Variants in LRP1B observed in about 807,000 individuals in gnomAD.
The protein encoded by LRP1B is LDL receptor related protein 1B.
In LRP1B, 217 loss-of-function variants were observed where a neutral mutation model predicts 556.6. That is an observed-to-expected ratio of 0.39 (90% CI 0.35 to 0.44). The LOEUF (loss-of-function observed/expected upper bound fraction) is 0.44. Ranked by LOEUF, LRP1B falls within the 20% of genes least tolerant of loss-of-function variation. The probability of loss-of-function intolerance (pLI) is 1.00; values close to 1 mark genes in which losing one functional copy is unlikely to be tolerated. For synonymous variants in LRP1B, 2,047 were observed against 1,865.8 expected, an observed-to-expected ratio of 1.10 and a Z score of -2.50; for missense variants, 5,053 against 5,620.8, an observed-to-expected ratio of 0.90 and a Z score of 3.23.
intron 32 of LRP1B, among the ~76,000 whole-genome samples, chr2:140,804,900 C>A (rs910741815): frequency 1.3e-5 from 2 of 151,822 alleles, no homozygotes; most frequent in African/African-American, 4.8e-5. Flanking sequence ...GGTAAACTAC[C>A]CATGTGCCTT....
chr2:142,121,555 G>A (rs766402472), intron 1 of LRP1B, among the ~76,000 whole-genome samples: 5 of 152,088 alleles, frequency 3.3e-5, no homozygotes, highest in Non-Finnish European at 7.4e-5. Context: ...ATGACTCAGA[G>A]CTTGTCCCCT....
chr2:140,694,098 T>C (rs1049954162), intron 41 of LRP1B, among the ~76,000 whole-genome samples: 4 of 152,204 alleles, frequency 2.6e-5, no homozygotes, highest in Admixed American at 2.6e-4. Context: ...ATATGCTATG[T>C]TTAGTTAAAA....
chr2:141,822,883 A>G (rs1696801787), intron 1 of LRP1B, among the ~76,000 whole-genome samples: 1 of 152,084 alleles, frequency 6.6e-6, no homozygotes, highest in African/African-American at 2.4e-5. Context: ...AAATACTTAC[A>G]ATAACGTGAG....
chr2:140,556,340 C>T (rs546649953), intron 43 of LRP1B, among the ~76,000 whole-genome samples: 4 of 152,078 alleles, frequency 2.6e-5, no homozygotes, highest in South Asian at 2.1e-4. Flanking sequence ...GTACTCTATA[C>T]GTGGAGGAAG....
intron 1 of LRP1B, among the ~76,000 whole-genome samples, chr2:142,017,872 C>A (rs1391580064): frequency 6.6e-6 from 1 of 152,036 alleles, no homozygotes; most frequent in East Asian, 1.9e-4. Flanking sequence ...CAGAGCGAGA[C>A]CTTGTCTCAA....
At chr2:140,513,166 A>C (rs549464179) in intron 51 of LRP1B, among the ~76,000 whole-genome samples, 15 of 152,264 alleles carry the variant, frequency 9.9e-5, no homozygotes, top group African/African-American at 3.4e-4. Flanking sequence ...ATATAAGTAC[A>C]AATCTTTTTG....
intron 2 of LRP1B, among the ~76,000 whole-genome samples, chr2:141,682,715 T>C (rs1238853217): frequency 6.6e-6 from 1 of 152,138 alleles, no homozygotes; most frequent in Non-Finnish European, 1.5e-5. Context: ...CATAACTTAG[T>C]TGATTGGATA....
chr2:141,112,546 A>C (rs551113271), intron 7 of LRP1B, among the ~76,000 whole-genome samples: 2 of 152,348 alleles, frequency 1.3e-5, no homozygotes, highest in South Asian at 4.1e-4. Flanking sequence ...CTATCTGTAC[A>C]TATTTTGAAA....
At chr2:141,304,570 C>T (rs1462070528) in intron 3 of LRP1B, among the ~76,000 whole-genome samples, 2 of 149,566 alleles carry the variant, frequency 1.3e-5, no homozygotes, top group African/African-American at 4.9e-5. Context: ...ACCTCCACCT[C>T]CTGGGTTCAA....
chr2:141,577,701 T>A (rs1386174437), intron 2 of LRP1B, among the ~76,000 whole-genome samples: 1 of 152,164 alleles, frequency 6.6e-6, no homozygotes, highest in Admixed American at 6.5e-5. Flanking sequence ...CTCTCGCAGA[T>A]CATAGGGGCA....
Position 140,706,276 on chromosome 2 carries a change from G to A in LRP1B, c.6024-3723C>T, listed in dbSNP as rs141827407. ...TTCAAATTTTGCAGTTGTGAAAAAC[G>A]TGTTCACTATATGATATAGCCAAGA... On this transcript the variant is annotated intron_variant, in intron 37 of 90. Transcript: ENST00000389484. Among the ~76,000 whole-genome samples, 373 of 152,166 alleles carry A rather than the reference G, an allele frequency of 2.5e-3. 2 individuals carry two copies. The highest frequency in any genetic ancestry group is 8.8e-3 in the African/African-American group (364 of 41,516).
At chr2:140,666,743 A>T (rs191512652) in intron 41 of LRP1B, among the ~76,000 whole-genome samples, 34 of 152,334 alleles carry the variant, frequency 2.2e-4, no homozygotes, top group African/African-American at 7.9e-4. Context: ...TTTCCTAAAA[A>T]GTTGAATGTA....
intron 23 of LRP1B, among the ~76,000 whole-genome samples, chr2:140,895,313 C>T (rs1275399726): frequency 6.6e-6 from 1 of 152,048 alleles, no homozygotes; most frequent in Non-Finnish European, 1.5e-5. Context: ...GCAAATTTGC[C>T]AGTGGGCTGC....
At chr2:140,964,465 T>C (rs1210491321) in intron 18 of LRP1B, among the ~76,000 whole-genome samples, 1 of 152,130 alleles carries the variant, frequency 6.6e-6, no homozygotes, top group Non-Finnish European at 1.5e-5. Context: ...TGACACATTT[T>C]GCTACGGCTG....
At chr2:140,247,339 T>C (rs1254592363) in intron 86 of LRP1B, among the ~76,000 whole-genome samples, 177 bp from the exon 87 acceptor site, 22 of 151,680 alleles carry the variant, frequency 1.5e-4, no homozygotes, top group Admixed American at 1.4e-3. Context: ...TGAGTGTAAC[T>C]TTCATTGGAC....
At chr2:140,467,863 G>T (rs1687615283) in intron 60 of LRP1B, among the ~76,000 whole-genome samples, 2 of 152,170 alleles carry the variant, frequency 1.3e-5, no homozygotes, top group Non-Finnish European at 2.9e-5. Flanking sequence ...TGCAAGGAGA[G>T]AAAGGAATTA....
rs567499507 is a variant in LRP1B, at chr2:140,780,928, T to C, written c.5360-4690A>G. ...CCCTTTGGCCCTGGAGAAAACTAAT[T>C]TCCACAGGCAACATATAAAATGCCA... On this transcript the variant is annotated intron_variant, in intron 32 of 90. Coordinates refer to ENST00000389484, the MANE Select transcript of LRP1B (RefSeq NM_018557.3). Among the ~76,000 whole-genome samples the C allele has an allele frequency of 2.0e-5, 3 of 152,238 alleles. No homozygotes were observed. In the South Asian group the frequency reaches 6.2e-4, roughly 32 times the overall value.
At chr2:140,566,956 C>T (rs976066469) in intron 43 of LRP1B, among the ~76,000 whole-genome samples, 1 of 152,116 alleles carries the variant, frequency 6.6e-6, no homozygotes. Flanking sequence ...CAATCACACC[C>T]TCACCCCCGA....
At chr2:141,467,124 CTATATATATATATATATATATATATA>C (rs1288032611) in intron 3 of LRP1B, among the ~76,000 whole-genome samples, 1 of 8,610 alleles carries the variant, frequency 1.2e-4, no homozygotes, top group African/African-American at 1.6e-4. Context: ...ATATATATAT[CTATATATATATATATATATATATATA>C]TCCTCTCAGG....
Sources: allele counts gnomAD v4.1 joint callset (sites outside exome capture counted in the v4.1 genomes callset), GRCh38; gene constraint gnomAD v4.1.1; transcripts MANE v1.5; gene names NCBI Gene and HGNC (gene_info 2026-07-23, HGNC 2026-07-21).